CFAP20DC: variants seen among roughly 807,000 people sequenced by gnomAD.
CFAP20DC encodes the protein protein CFAP20DC.
CFAP20DC carries 84 observed loss-of-function variants against 101.7 expected under a neutral mutation model. The ratio of observed to expected loss-of-function variants is 0.83; its 90% confidence interval spans 0.69 to 0.99. The LOEUF (loss-of-function observed/expected upper bound fraction) is 0.99. Among genes scored for constraint, CFAP20DC ranks in the 50% least tolerant of loss-of-function variants. CFAP20DC has a pLI of 0.00. For synonymous variants in CFAP20DC, 359 were observed against 351.2 expected (o/e 1.02, Z -0.25); for missense variants, 1,007 against 970.3 (o/e 1.04, Z -0.50).
At chr3:59,047,979 G>A (rs958836926) in intron 1 of CFAP20DC, among the ~76,000 whole-genome samples, 2 of 152,156 alleles carry the variant, frequency 1.3e-5, no homozygotes, top group African/African-American at 2.4e-5. Flanking sequence ...ACAAATTAAT[G>A]TGAAGATCTA....
intron 5 of CFAP20DC, among the ~76,000 whole-genome samples, chr3:58,935,923 T>G (rs75829130): frequency 0.7 from 106,005 of 151,206 alleles, 37,418 homozygotes; most frequent in East Asian, 0.95. Context: ...ATTGACAAAT[T>G]GGATCTAATT....
chr3:58,935,252 C>A (rs1336394615), intron 5 of CFAP20DC, among the ~76,000 whole-genome samples: 1 of 151,980 alleles, frequency 6.6e-6, no homozygotes, highest in African/African-American at 2.4e-5. Context: ...AACTACAAAC[C>A]ACTGCTCAAG....
At chr3:58,907,515 A>G (rs888996347) in intron 6 of CFAP20DC, among the ~76,000 whole-genome samples, 2 of 152,202 alleles carry the variant, frequency 1.3e-5, no homozygotes, top group African/African-American at 2.4e-5. Context: ...ATGCACATCT[A>G]TTTTTGTATT....
intron 16 of CFAP20DC, among the ~76,000 whole-genome samples, chr3:58,746,750 A>G (rs747895957): frequency 1.3e-5 from 2 of 152,192 alleles, no homozygotes; most frequent in Non-Finnish European, 2.9e-5. Flanking sequence ...AAAACTACCA[A>G]CAATGACATT....
chr3:58,809,048 C>G (rs1355168796), intron 14 of CFAP20DC, among the ~76,000 whole-genome samples: 1 of 152,022 alleles, frequency 6.6e-6, no homozygotes. Context: ...AATACAGGAG[C>G]ACCCAGATTC....
intron 15 of CFAP20DC, among the ~76,000 whole-genome samples, chr3:58,781,682 T>A (rs1461359865): frequency 6.6e-6 from 1 of 152,028 alleles, no homozygotes; most frequent in South Asian, 2.1e-4. Flanking sequence ...CTAGAAAACC[T>A]AGAAGAAATG....
At chr3:58,949,444 C>T (rs1206002018) in intron 4 of CFAP20DC, among the ~76,000 whole-genome samples, 1 of 152,098 alleles carries the variant, frequency 6.6e-6, no homozygotes, top group African/African-American at 2.4e-5. Flanking sequence ...TCCCTCTACA[C>T]ACTGCTTTGA....
chr3:58,873,199 C>G (rs2080397223), intron 7 of CFAP20DC, among the ~76,000 whole-genome samples: 1 of 148,406 alleles, frequency 6.7e-6, no homozygotes, highest in Admixed American at 6.7e-5. Context: ...GTCTGGATAG[C>G]CATTCTGGAT....
At chr3:58,921,995 C>T (rs1289101321) in intron 5 of CFAP20DC, among the ~76,000 whole-genome samples, 4 of 152,288 alleles carry the variant, frequency 2.6e-5, no homozygotes, top group South Asian at 2.1e-4. Context: ...AATTTGTCTG[C>T]TATTAGTATA....
In CFAP20DC at chr3:58,859,042, T is replaced by C. The variant is rs1345973434; in HGVS notation, c.1593+4516A>G. Among the ~76,000 whole-genome samples, 1 of 152,180 alleles carries C rather than the reference T, an allele frequency of 6.6e-6. No homozygotes were observed. The highest frequency in any genetic ancestry group is 1.5e-5 in the Non-Finnish European group (1 of 68,022). On this transcript the variant is annotated intron_variant, in intron 12 of 16. Transcript: ENST00000482387. The surrounding 1 kb of genome is among the most constrained non-coding windows in gnomAD (Gnocchi z 4.1). ...TACTTGTGCTTCTACTTGAATTTTG[T>C]AGCAAATGATGAAAGTAATACAATT...
chr3:58,761,912 T>A (rs1575576693), intron 15 of CFAP20DC, among the ~76,000 whole-genome samples: 1 of 151,512 alleles, frequency 6.6e-6, no homozygotes. Flanking sequence ...CAGTTTGTTA[T>A]AATTTCTGTT....
intron 9 of CFAP20DC, 47 bp from the exon 10 acceptor site, chr3:58,867,983 A>G: frequency 6.5e-7 from 1 of 1,546,240 alleles, no homozygotes; most frequent in Non-Finnish European, 8.7e-7. Flanking sequence ...AAAGTGCTAT[A>G]TGGCTTGAAG....
chr3:58,864,032 A>C lies in CFAP20DC; in HGVS notation c.1259-140T>G. ...CAGTGCAGTCACGCGATCTCGGCTC[A>C]CTGCAACCTCCGCCTCCCAACCTTC... On this transcript the variant is annotated intron_variant, in intron 11 of 16. Coordinates refer to ENST00000482387, the MANE Select transcript of CFAP20DC (RefSeq NM_001394063.1). This position sits in a 1 kb window ranked among gnomAD's most constrained non-coding sequence, Gnocchi z 4.7. 4 of 792,240 alleles carry C rather than the reference A, an allele frequency of 5.0e-6. No homozygotes were observed. Among genetic ancestry groups the C allele is most frequent in the Non-Finnish European group, 7.7e-6 (4 of 521,712 alleles). The allele number at this position is 792,240 out of a possible 1,614,324, so 49.1% of individuals were successfully genotyped here.
intron 3 of CFAP20DC, among the ~76,000 whole-genome samples, chr3:58,720,126 A>G (rs2067450947): frequency 6.6e-6 from 1 of 152,222 alleles, no homozygotes; most frequent in African/African-American, 2.4e-5. Context: ...AAGCTCTTCA[A>G]GCAAATTTCA....
intron 13 of CFAP20DC, among the ~76,000 whole-genome samples, chr3:58,833,186 G>A (rs1056975053): frequency 1.3e-5 from 2 of 152,130 alleles, no homozygotes; most frequent in Non-Finnish European, 2.9e-5. Flanking sequence ...ATAAAAGCTT[G>A]TTATCTGATA....
At chr3:58,994,836 A>T (rs762146525) in intron 4 of CFAP20DC, among the ~76,000 whole-genome samples, 41 of 140,628 alleles carry the variant, frequency 2.9e-4, no homozygotes, top group Non-Finnish European at 5.2e-4. Flanking sequence ...CAAAAGACTT[A>T]AAAAAAAAAA....
intron 12 of CFAP20DC, among the ~76,000 whole-genome samples, chr3:58,860,543 A>G (rs2079165847): frequency 6.6e-6 from 1 of 152,198 alleles, no homozygotes; most frequent in Non-Finnish European, 1.5e-5. Flanking sequence ...GGACTGTTAC[A>G]CAAGACAAAT....
intron 16 of CFAP20DC, among the ~76,000 whole-genome samples, chr3:58,743,757 A>G (rs889520156): frequency 2.6e-5 from 4 of 152,214 alleles, no homozygotes; most frequent in African/African-American, 4.8e-5. Context: ...CATCTTACTC[A>G]GCCAAAATCA....
intron 4 of CFAP20DC, among the ~76,000 whole-genome samples, chr3:58,950,406 A>T (rs2089962463): frequency 6.6e-6 from 1 of 152,188 alleles, no homozygotes; most frequent in Non-Finnish European, 1.5e-5. Flanking sequence ...ATTGGAAAAA[A>T]CTACTTTAAA....
Sources: gnomAD v4.1 joint callset for allele counts (sites outside exome capture counted in the v4.1 genomes callset) on GRCh38, gnomAD v4.1.1 for gene constraint, Gnocchi (gnomAD v3.1) non-coding constraint, MANE v1.5 for transcripts, NCBI Gene and HGNC (gene_info 2026-07-23, HGNC 2026-07-21) for gene names.